Variants in BMP5 observed in about 807,000 individuals in gnomAD.
The protein encoded by BMP5 is bone morphogenetic protein 5.
Under a neutral mutation model 46.6 loss-of-function variants are expected in BMP5, and 23 were observed. The ratio of observed to expected loss-of-function variants is 0.49; its 90% CI spans 0.35 to 0.70. The LOEUF (loss-of-function observed/expected upper bound fraction) is 0.70, where lower values mean the gene tolerates loss of function less well. Ranked by LOEUF, BMP5 falls within the 30% of genes least tolerant of loss-of-function variation. The pLI is 0.00. For synonymous variants in BMP5, 204 were observed against 191.9 expected (o/e 1.06, Z -0.52); for missense variants, 545 against 565.6 (o/e 0.96, Z 0.37).
At chr6:55,859,054 C>T (rs1026000330) in intron 1 of BMP5, among the ~76,000 whole-genome samples, 3 of 152,106 alleles carry the variant, frequency 2.0e-5, no homozygotes, top group Non-Finnish European at 4.4e-5. Flanking sequence ...GTGCAGCAAA[C>T]CACCATGGCA....
chr6:55,773,988 G>T, intron 4 of BMP5, 61 bp downstream of exon 4: 1 of 1,559,598 alleles, frequency 6.4e-7, no homozygotes, highest in South Asian at 1.1e-5. Context: ...GTGGCTACTT[G>T]ATTTGCAGCA....
intron 1 of BMP5, among the ~76,000 whole-genome samples, chr6:55,861,639 A>C (rs1179590761): frequency 6.6e-6 from 1 of 152,138 alleles, no homozygotes; most frequent in Admixed American, 6.5e-5. Flanking sequence ...CAGCAACACA[A>C]CTCATCTATC....
At chr6:55,847,744 C>T (rs1582115862) in intron 1 of BMP5, among the ~76,000 whole-genome samples, 1 of 151,764 alleles carries the variant, frequency 6.6e-6, no homozygotes, top group East Asian at 1.9e-4. Context: ...AAAATGTAGT[C>T]AATTCTCCAC....
chr6:55,769,926 T>G (rs66705636), intron 4 of BMP5, among the ~76,000 whole-genome samples: 15,598 of 151,810 alleles, frequency 0.1, 1,225 homozygotes, highest in African/African-American at 0.22. Context: ...TCTCAACAGT[T>G]TGCCTAAAAT....
chr6:55,773,364 T>C (rs1180286481), intron 4 of BMP5, among the ~76,000 whole-genome samples: 2 of 152,108 alleles, frequency 1.3e-5, no homozygotes, highest in Admixed American at 6.6e-5. Flanking sequence ...GTATAAATAA[T>C]ACGATTAAGC....
At chr6:55,785,147 A>T (rs1221396786) in intron 3 of BMP5, among the ~76,000 whole-genome samples, 1 of 151,914 alleles carries the variant, frequency 6.6e-6, no homozygotes, top group Non-Finnish European at 1.5e-5. Context: ...TTAAACCTGG[A>T]TTAACTATGT....
chr6:55,865,777 A>G lies in BMP5; in HGVS notation c.490+8599T>C, dbSNP rs1777627839. The stretch of plus-strand genomic sequence containing the variant: ...CATTAATTTAGTATTTGTCTCATGT[A>G]GGCTCAAAAGTCTAGGACCTTACAT... On this transcript the variant is annotated intron_variant, in intron 1 of 6. Coordinates refer to ENST00000370830, the MANE Select transcript of BMP5 (RefSeq NM_021073.4). 2.6e-5 allele frequency among the ~76,000 whole-genome samples: 4 copies of G among 152,204 alleles called. No homozygotes were observed. The South Asian group carries it at 8.3e-4, about 31-fold the overall frequency.
chr6:55,772,671 G>T (rs569685374), intron 4 of BMP5: 28 of 743,046 alleles, frequency 3.8e-5, no homozygotes, highest in Non-Finnish European at 4.6e-5. Flanking sequence ...AAAAAATAGC[G>T]TTGTAATAAG....
chr6:55,763,761 T>G (rs1774841008), intron 4 of BMP5, among the ~76,000 whole-genome samples: 1 of 152,278 alleles, frequency 6.6e-6, no homozygotes, highest in South Asian at 2.1e-4. Context: ...CAATAATATT[T>G]CTCTGTTTTG....
intron 1 of BMP5, among the ~76,000 whole-genome samples, chr6:55,834,796 G>C (rs1776749946): frequency 6.6e-6 from 1 of 152,024 alleles, no homozygotes; most frequent in South Asian, 2.1e-4. Context: ...AATTCCATAT[G>C]GAGGCCAGGT....
At chr6:55,849,872 C>G (rs1199472600) in intron 1 of BMP5, among the ~76,000 whole-genome samples, 1 of 152,036 alleles carries the variant, frequency 6.6e-6, no homozygotes, top group East Asian at 1.9e-4. Context: ...TAGATGAGGA[C>G]TATTTCTATC....
chr6:55,772,696 C>T, intron 4 of BMP5: 1 of 938,242 alleles, frequency 1.1e-6, no homozygotes, highest in Non-Finnish European at 1.3e-6. Context: ...TAGTGTCATG[C>T]TTTACTAAAA....
At chr6:55,843,752 A>C (rs1042755558) in intron 1 of BMP5, among the ~76,000 whole-genome samples, 1 of 152,114 alleles carries the variant, frequency 6.6e-6, no homozygotes, top group Non-Finnish European at 1.5e-5. Context: ...TTTGTGCTGA[A>C]TAAGTTAATA....
At position 55,754,809 on chromosome 6, in the gene BMP5, T is replaced by G. The variant is rs914696350; in HGVS notation, c.*724A>C. The G allele has an allele frequency of 2.0e-5, 3 of 152,016 alleles. No homozygotes were observed. The allele number at this position is 152,016 out of a possible 1,614,324, so 9.4% of individuals were successfully genotyped here. On this transcript the variant is annotated 3_prime_UTR_variant, in exon 7 of 7. Coordinates refer to ENST00000370830, the MANE Select transcript of BMP5 (RefSeq NM_021073.4). Reference sequence around the variant, plus strand: ...GGTAAGAAGGTTGTACTACAATTAGTGTTAACTTGGAAAGCTATGGACACA... The same window carrying G: ...GGTAAGAAGGTTGTACTACAATTAGGGTTAACTTGGAAAGCTATGGACACA...
chr6:55,836,826 T>C (rs1030825448), intron 1 of BMP5, among the ~76,000 whole-genome samples: 1 of 152,156 alleles, frequency 6.6e-6, no homozygotes, highest in South Asian at 2.1e-4. Context: ...GGAAGTTCCT[T>C]GAATCTATCT....
At chr6:55,771,687 G>T (rs1254933184) in intron 4 of BMP5, among the ~76,000 whole-genome samples, 1 of 151,720 alleles carries the variant, frequency 6.6e-6, no homozygotes, top group African/African-American at 2.4e-5. Flanking sequence ...AATGACTTGG[G>T]TTTTAATTCT....
intron 3 of BMP5, among the ~76,000 whole-genome samples, chr6:55,787,506 T>C (rs1309506424): frequency 6.6e-6 from 1 of 151,606 alleles, no homozygotes; most frequent in Non-Finnish European, 1.5e-5. Context: ...ACAGAATACA[T>C]TTAGGAAATA....
chr6:55,836,653 C>A (rs1776801744), intron 1 of BMP5, among the ~76,000 whole-genome samples: 1 of 151,712 alleles, frequency 6.6e-6, no homozygotes, highest in Non-Finnish European at 1.5e-5. Context: ...CACACACACA[C>A]ACACACACAC....
At chr6:55,760,898 G>A (rs1394450437) in intron 4 of BMP5, among the ~76,000 whole-genome samples, 2 of 151,818 alleles carry the variant, frequency 1.3e-5, no homozygotes, top group Non-Finnish European at 2.9e-5. Context: ...TATATTGAGA[G>A]AGATTATATA....
Sources: gnomAD v4.1 joint callset for allele counts (sites outside exome capture counted in the v4.1 genomes callset) on GRCh38, gnomAD v4.1.1 for gene constraint, MANE v1.5 for transcripts, NCBI Gene and HGNC (gene_info 2026-07-23, HGNC 2026-07-21) for gene names.